The following CRTAC1 variants were observed in gnomAD, a reference collection of about 807,000 sequenced individuals.
CRTAC1 encodes acidic secreted protein in cartilage.
In CRTAC1, 37 loss-of-function variants were observed where a neutral mutation model predicts 67.8. The ratio of observed to expected loss-of-function variants is 0.55; its 90% CI spans 0.42 to 0.72. The LOEUF (loss-of-function observed/expected upper bound fraction) is 0.72, where lower values mean the gene tolerates loss of function less well. CRTAC1 is among the 30% of genes least tolerant of loss of function. The pLI is 0.00. For synonymous variants in CRTAC1, 348 were observed against 371.0 expected (o/e 0.94, Z 0.71); for missense variants, 780 against 931.6 (o/e 0.84, Z 2.12).
intron 1 of CRTAC1, among the ~76,000 whole-genome samples, chr10:98,027,030 A>T (rs1479676080): frequency 6.6e-6 from 1 of 152,030 alleles, no homozygotes; most frequent in African/African-American, 2.4e-5. Context: ...AGCCGGGCGT[A>T]GTGGCGGGCC....
chr10:98,020,722 C>T (rs907705014), intron 1 of CRTAC1, among the ~76,000 whole-genome samples: 1 of 152,182 alleles, frequency 6.6e-6, no homozygotes, highest in Non-Finnish European at 1.5e-5. Context: ...GGGAGATGTG[C>T]AGGTTTGTGT....
intron 5 of CRTAC1, among the ~76,000 whole-genome samples, chr10:97,912,214 C>T (rs1011341059): frequency 6.6e-6 from 1 of 152,194 alleles, no homozygotes; most frequent in African/African-American, 2.4e-5. Context: ...TTAGCTGGGA[C>T]TATTTACCAC....
chr10:97,911,227 G>A (rs149846411), intron 5 of CRTAC1, among the ~76,000 whole-genome samples: 250 of 152,340 alleles, frequency 1.6e-3, no homozygotes, highest in African/African-American at 5.6e-3. Context: ...TTCTTCCTCC[G>A]CTTCCACATC....
chr10:97,979,904 T>C (rs2051864804), intron 2 of CRTAC1, among the ~76,000 whole-genome samples: 2 of 152,178 alleles, frequency 1.3e-5, no homozygotes, highest in South Asian at 4.1e-4. Context: ...CGAGGGGCAC[T>C]TGGTAAAACT....
At chr10:97,980,978 A>G (rs770811865) in intron 2 of CRTAC1, among the ~76,000 whole-genome samples, 3 of 152,240 alleles carry the variant, frequency 2.0e-5, no homozygotes, top group Non-Finnish European at 4.4e-5. Flanking sequence ...AATATCAGAC[A>G]GAAGAATCTG....
rs2050939750 is a variant in CRTAC1 at position 97,927,560 on chromosome 10, A to T, written c.422-4160T>A. Among the ~76,000 whole-genome samples the T allele has an allele frequency of 2.0e-5, 3 of 152,222 alleles. No homozygotes were observed. The South Asian group carries it at 6.2e-4, about 32-fold the overall frequency. On this transcript the variant is annotated intron_variant, in intron 3 of 14. Transcript: ENST00000370597. Reference sequence around the variant, plus strand: ...TCAGAGCTTTTCAGCTGGAGGTGTTAGGGCGCCTGTGCTGTTGGCCTCTCC... The same window carrying T: ...TCAGAGCTTTTCAGCTGGAGGTGTTTGGGCGCCTGTGCTGTTGGCCTCTCC...
At chr10:97,993,506 G>A (rs1461073418) in intron 2 of CRTAC1, among the ~76,000 whole-genome samples, 1 of 152,174 alleles carries the variant, frequency 6.6e-6, no homozygotes, top group Non-Finnish European at 1.5e-5. Context: ...AAGATAGCTT[G>A]AAGGAGGGGA....
intron 14 of CRTAC1, chr10:97,879,767 G>A (rs557466140): frequency 8.6e-5 from 133 of 1,549,944 alleles, no homozygotes; most frequent in East Asian, 5.4e-4. Flanking sequence ...TTCTAGAGGC[G>A]GCTGAAGAAT....
At chr10:97,996,004 C>T (rs1018034688) in intron 2 of CRTAC1, among the ~76,000 whole-genome samples, 1 of 152,084 alleles carries the variant, frequency 6.6e-6, no homozygotes, top group Non-Finnish European at 1.5e-5. Context: ...ACTAAACATA[C>T]AAAAAATTAG....
chr10:98,029,480 C>CCAG lies in CRTAC1; in HGVS notation c.24+966_24+968dup, dbSNP rs879078198. ...GCAGAAGCCACACTGGGTGCACCCA[C>CCAG]CAGCAGCAGCAGCGGCGGCGGCGGC... On this transcript the variant is annotated intron_variant, in intron 1 of 14. Transcript: ENST00000370597. This position sits in a 1 kb window ranked among gnomAD's most constrained non-coding sequence, Gnocchi z 4.7. Among the ~76,000 whole-genome samples, 6 of 136,858 alleles carry CCAG rather than the reference C, an allele frequency of 4.4e-5. No individual in the cohort carries two copies. The highest frequency in any genetic ancestry group is 2.2e-4 in the South Asian group (1 of 4,450). 89.8% of individuals were successfully genotyped at this position (136,858 alleles called of 152,430 possible).
At chr10:97,920,728 G>A (rs1232484953) in intron 4 of CRTAC1, among the ~76,000 whole-genome samples, 1 of 152,200 alleles carries the variant, frequency 6.6e-6, no homozygotes, top group Non-Finnish European at 1.5e-5. Context: ...CTGCCTCCAG[G>A]CTGCATCTCC....
intron 2 of CRTAC1, among the ~76,000 whole-genome samples, chr10:98,008,694 T>A (rs1476542668): frequency 6.6e-6 from 1 of 152,140 alleles, no homozygotes; most frequent in East Asian, 1.9e-4. Flanking sequence ...CACTTTCTGT[T>A]CATATCTCAG....
At chr10:97,931,926 C>T (rs934065242) in intron 3 of CRTAC1, among the ~76,000 whole-genome samples, 2 of 152,072 alleles carry the variant, frequency 1.3e-5, no homozygotes, top group African/African-American at 4.8e-5. Context: ...TGTCCCCCTG[C>T]GTCCTGCACA....
At chr10:97,932,607 C>A (rs925420075) in intron 3 of CRTAC1, among the ~76,000 whole-genome samples, 1 of 152,004 alleles carries the variant, frequency 6.6e-6, no homozygotes, top group African/African-American at 2.4e-5. Flanking sequence ...AAGGAGTGAG[C>A]CTGGAGAACA....
At chr10:97,906,329 T>C (rs1476774250) in intron 6 of CRTAC1, among the ~76,000 whole-genome samples, 1 of 152,170 alleles carries the variant, frequency 6.6e-6, no homozygotes, top group Non-Finnish European at 1.5e-5. Context: ...TTCTCTCCTA[T>C]CTATGAGGCA....
At chr10:97,977,273 A>T (rs1029888449) in intron 2 of CRTAC1, among the ~76,000 whole-genome samples, 1 of 152,218 alleles carries the variant, frequency 6.6e-6, no homozygotes, top group Non-Finnish European at 1.5e-5. Context: ...TCATCATGAC[A>T]GGAGCTGAAT....
intron 3 of CRTAC1, among the ~76,000 whole-genome samples, chr10:97,929,771 C>T (rs1488297180): frequency 6.6e-6 from 1 of 152,182 alleles, no homozygotes; most frequent in Non-Finnish European, 1.5e-5. Context: ...AATAACAACA[C>T]CGTCACCATC....
intron 2 of CRTAC1, among the ~76,000 whole-genome samples, chr10:97,998,721 T>C (rs951458435): frequency 6.6e-6 from 1 of 152,114 alleles, no homozygotes; most frequent in African/African-American, 2.4e-5. Flanking sequence ...AAAAAAAATG[T>C]AAAAACATTG....
intron 14 of CRTAC1, chr10:97,868,081 C>T (rs1168861688): frequency 6.6e-6 from 1 of 152,258 alleles, no homozygotes. Flanking sequence ...TCACTCAGTA[C>T]TGAAGATGAG....
Sources: gnomAD v4.1 joint callset for allele counts (sites outside exome capture counted in the v4.1 genomes callset) on GRCh38, gnomAD v4.1.1 for gene constraint, Gnocchi (gnomAD v3.1) non-coding constraint, MANE v1.5 for transcripts, NCBI Gene and HGNC (gene_info 2026-07-23, HGNC 2026-07-21) for gene names.